The following PIK3C2G variants were observed in gnomAD, a reference collection of about 807,000 sequenced individuals.
PIK3C2G encodes the protein phosphatidylinositol-4-phosphate 3-kinase catalytic subunit type 2 gamma, also known as phosphatidylinositol 3-kinase C2 domain-containing subunit gamma.
Under a neutral mutation model 181.1 loss-of-function variants are expected in PIK3C2G, and 168 were observed. The ratio of observed to expected loss-of-function variants is 0.93; its 90% confidence interval spans 0.82 to 1.05. PIK3C2G has a LOEUF of 1.05. PIK3C2G is among the 50% of genes least tolerant of loss of function. The pLI is 0.00. For synonymous variants in PIK3C2G, 573 were observed against 592.2 expected (o/e 0.97, Z 0.47); for missense variants, 1,869 against 1,732.8 (o/e 1.08, Z -1.40).
intron 24 of PIK3C2G, among the ~76,000 whole-genome samples, chr12:18,507,731 G>T (rs1941932336): frequency 6.6e-6 from 1 of 151,646 alleles, no homozygotes; most frequent in East Asian, 1.9e-4. Context: ...TTCATTTATT[G>T]CACTGGCTTC....
the PIK3C2G span, chr12:18,683,032 C>T: frequency 6.7e-5 from 37 of 552,794 alleles, no homozygotes; most frequent in African/African-American, 3.8e-4. Flanking sequence ...CAAACAAGAA[C>T]GCCATGCTGG....
At chr12:18,615,787 CT>C (rs1948582973) in intron 31 of PIK3C2G, among the ~76,000 whole-genome samples, 1 of 151,976 alleles carries the variant, frequency 6.6e-6, no homozygotes, top group Non-Finnish European at 1.5e-5. Flanking sequence ...TATTCCTTTC[CT>C]TGTTTTCTTC....
intron 1 of PIK3C2G, among the ~76,000 whole-genome samples, chr12:18,280,390 A>G (rs1414862716): frequency 6.6e-6 from 1 of 152,068 alleles, no homozygotes; most frequent in Non-Finnish European, 1.5e-5. Context: ...TTTCCCGGGC[A>G]TTCAGAAGGT....
At chr12:18,339,635 T>C (rs1222687964) in intron 9 of PIK3C2G, among the ~76,000 whole-genome samples, 1 of 152,152 alleles carries the variant, frequency 6.6e-6, no homozygotes, top group African/African-American at 2.4e-5. Context: ...GATAATCATA[T>C]TACCAAACAG....
intron 16 of PIK3C2G, among the ~76,000 whole-genome samples, chr12:18,413,945 A>T (rs571682884): frequency 6.6e-6 from 1 of 152,308 alleles, no homozygotes; most frequent in South Asian, 2.1e-4. Flanking sequence ...TGAAATGCCA[A>T]CAACTATATC....
At chr12:18,392,490 G>A (rs1002982785) in intron 15 of PIK3C2G, among the ~76,000 whole-genome samples, 3 of 151,900 alleles carry the variant, frequency 2.0e-5, no homozygotes, top group African/African-American at 7.3e-5. Context: ...CCATCTCAAG[G>A]CCTTTTTATT....
the PIK3C2G span, chr12:18,701,734 T>C: frequency 1.2e-6 from 2 of 1,612,160 alleles, no homozygotes; most frequent in East Asian, 2.2e-5. Context: ...TCCTTTAAGG[T>C]TCCTATTTTC....
At chr12:18,521,076 A>T (rs576752535) in intron 24 of PIK3C2G, among the ~76,000 whole-genome samples, 2 of 151,658 alleles carry the variant, frequency 1.3e-5, no homozygotes, top group East Asian at 1.9e-4. Context: ...ATGTGTGGAG[A>T]TGTCACTCGA....
At chr12:18,562,661 A>T in intron 26 of PIK3C2G, 42 bp from the exon 27 acceptor site, 1 of 1,174,290 alleles carries the variant, frequency 8.5e-7, no homozygotes, top group Non-Finnish European at 1.2e-6. Context: ...GAGTAGATGC[A>T]GAGGAGTGTC....
chr12:18,462,392 A>G (rs753473651), intron 18 of PIK3C2G, among the ~76,000 whole-genome samples: 2 of 151,844 alleles, frequency 1.3e-5, no homozygotes, highest in African/African-American at 2.4e-5. Flanking sequence ...GCACCATACA[A>G]AAAAAAATGT....
chr12:18,480,746 T>C lies in PIK3C2G; in HGVS notation c.2505-7703T>C, dbSNP rs117515710. ...ATTTCTGCATAATTCACCCCTGAATTTGCGTATAATTAAAGGTGGATATAA... is the reference window on the plus strand; with the variant it reads ...ATTTCTGCATAATTCACCCCTGAATCTGCGTATAATTAAAGGTGGATATAA... On this transcript the variant is annotated intron_variant, in intron 18 of 32. Coordinates refer to ENST00000538779, the MANE Select transcript of PIK3C2G (RefSeq NM_001288772.2). 5.5e-4 allele frequency among the ~76,000 whole-genome samples: 83 copies of C among 152,206 alleles called. 1 individual carries two copies. The East Asian group carries it at 0.014, about 26-fold the overall frequency.
intron 31 of PIK3C2G, among the ~76,000 whole-genome samples, chr12:18,610,418 A>G (rs559988671): frequency 1.3e-5 from 2 of 152,092 alleles, no homozygotes; most frequent in Non-Finnish European, 2.9e-5. Context: ...TCTCCATATG[A>G]CACACATCCA....
chr12:18,564,786 C>T (rs1945532426), intron 28 of PIK3C2G, among the ~76,000 whole-genome samples: 1 of 152,136 alleles, frequency 6.6e-6, no homozygotes, highest in South Asian at 2.1e-4. Context: ...CCACATTCAA[C>T]ATCAATGTTT....
chr12:18,594,461 TA>T (rs1350518930), intron 29 of PIK3C2G, 32 bp from the exon 30 acceptor site: 3 of 1,344,116 alleles, frequency 2.2e-6, no homozygotes, highest in African/African-American at 1.5e-5. Context: ...ATATAAGAAA[TA>T]AAGAAATATT....
intron 32 of PIK3C2G, among the ~76,000 whole-genome samples, chr12:18,642,396 C>T (rs1233049779): frequency 7.2e-5 from 11 of 152,146 alleles, no homozygotes; most frequent in South Asian, 2.1e-4. Context: ...TTCTTTTGCA[C>T]GTTTGTCAAA....
chr12:18,620,559 TAG>T (rs1948813833), intron 31 of PIK3C2G, among the ~76,000 whole-genome samples: 1 of 151,936 alleles, frequency 6.6e-6, no homozygotes, highest in Admixed American at 6.6e-5. Context: ...GATAGATAGA[TAG>T]ATAGATAGGT....
chr12:18,468,010 T>C (rs1938081695), intron 18 of PIK3C2G, among the ~76,000 whole-genome samples: 1 of 151,928 alleles, frequency 6.6e-6, no homozygotes, highest in African/African-American at 2.4e-5. Context: ...TTTAGCTACA[T>C]AAACATAAAC....
chr12:18,536,901 A>G (rs1325272135), intron 24 of PIK3C2G, among the ~76,000 whole-genome samples: 1 of 152,164 alleles, frequency 6.6e-6, no homozygotes, highest in Non-Finnish European at 1.5e-5. Flanking sequence ...ATTTTGTTGA[A>G]GAAATGAATG....
intron 18 of PIK3C2G, among the ~76,000 whole-genome samples, chr12:18,483,618 G>C (rs1256395605): frequency 6.6e-6 from 1 of 150,632 alleles, no homozygotes; most frequent in African/African-American, 2.4e-5. Context: ...ACCAGACTTG[G>C]CTCCAGATGA....
Sources: allele counts gnomAD v4.1 joint callset (sites outside exome capture counted in the v4.1 genomes callset), GRCh38; gene constraint gnomAD v4.1.1; transcripts MANE v1.5; gene names NCBI Gene and HGNC (gene_info 2026-07-23, HGNC 2026-07-21).